Variants in EXT1 observed in about 807,000 individuals in gnomAD.
EXT1 encodes the protein exostosin glycosyltransferase 1, also known as exostosin-1.
A neutral mutation model predicts 82.5 loss-of-function variants in EXT1; 20 were observed. The observed-to-expected ratio is 0.24, with a 90% CI of 0.17 to 0.35. EXT1 has a LOEUF of 0.35. Among genes scored for constraint, EXT1 ranks in the 10% least tolerant of loss-of-function variants. The probability of loss-of-function intolerance (pLI) is 1.00; values close to 1 mark genes in which losing one functional copy is unlikely to be tolerated. For synonymous variants in EXT1, 348 were observed against 350.8 expected, an observed-to-expected ratio of 0.99 and a Z score of 0.09; for missense variants, 757 against 936.5, an observed-to-expected ratio of 0.81 and a Z score of 2.50.
intron 1 of EXT1, among the ~76,000 whole-genome samples, chr8:118,105,358 C>G (rs1002742121): frequency 1.3e-5 from 2 of 152,202 alleles, no homozygotes; most frequent in Non-Finnish European, 2.9e-5. Context: ...CTGCCCAAAC[C>G]TTAGTAACAA....
chr8:117,890,637 A>G (rs1586266927), intron 1 of EXT1, among the ~76,000 whole-genome samples: 1 of 152,204 alleles, frequency 6.6e-6, no homozygotes, highest in South Asian at 2.1e-4. Flanking sequence ...TTAGCTTCTT[A>G]GCATAGGGAA....
chr8:118,045,376 T>C (rs1816605835), intron 1 of EXT1, among the ~76,000 whole-genome samples: 1 of 152,088 alleles, frequency 6.6e-6, no homozygotes, highest in African/African-American at 2.4e-5. Flanking sequence ...AAAGCACAAG[T>C]TCAACATAAA....
chr8:118,074,577 A>G (rs963100570), intron 1 of EXT1, among the ~76,000 whole-genome samples: 2 of 151,522 alleles, frequency 1.3e-5, no homozygotes, highest in African/African-American at 2.4e-5. Flanking sequence ...GAAGAGAGAA[A>G]AAAAAAAAAA....
Position 117,857,152 on chromosome 8 carries a change from G to A in EXT1, c.963-19951C>T, listed in dbSNP as rs537873573. ...AGAAAAATTTCTTTTAAAATATTGCGTTCGTTGGCAAGTCACCTAGTTACC... is the reference window on the plus strand; with the variant it reads ...AGAAAAATTTCTTTTAAAATATTGCATTCGTTGGCAAGTCACCTAGTTACC... On this transcript the variant is annotated intron_variant, in intron 1 of 10. Transcript: ENST00000378204. Among the ~76,000 whole-genome samples the A allele has an allele frequency of 7.0e-4, 107 of 152,278 alleles. 1 individual carries two copies. Among genetic ancestry groups the A allele is most frequent in the African/African-American group, 2.4e-3 (100 of 41,548 alleles).
intron 1 of EXT1, among the ~76,000 whole-genome samples, chr8:117,973,423 C>T (rs762536790): frequency 6.6e-6 from 1 of 152,178 alleles, no homozygotes; most frequent in East Asian, 1.9e-4. Context: ...TCTCCATCCC[C>T]AAAGGTATTG....
intron 1 of EXT1, among the ~76,000 whole-genome samples, chr8:118,060,383 T>C (rs1268926720): frequency 6.6e-6 from 1 of 152,176 alleles, no homozygotes; most frequent in Non-Finnish European, 1.5e-5. Flanking sequence ...TTCCCTAAAA[T>C]TCCACATTTC....
intron 8 of EXT1, among the ~76,000 whole-genome samples, chr8:117,808,596 CA>C (rs1403022661): frequency 6.6e-6 from 1 of 152,158 alleles, no homozygotes; most frequent in East Asian, 1.9e-4. Flanking sequence ...ATAAGCAATA[CA>C]AATGGAAATT....
At chr8:117,909,584 G>A (rs1007003128) in intron 1 of EXT1, among the ~76,000 whole-genome samples, 2 of 152,138 alleles carry the variant, frequency 1.3e-5, no homozygotes, top group African/African-American at 4.8e-5. Context: ...AGCTGAGCAA[G>A]GGTTCCTTGA....
intron 1 of EXT1, among the ~76,000 whole-genome samples, chr8:117,849,037 T>C (rs1236932487): frequency 6.6e-6 from 1 of 152,174 alleles, no homozygotes; most frequent in Non-Finnish European, 1.5e-5. Context: ...AGCTACAAAG[T>C]CCGGCTCTCA....
intron 1 of EXT1, among the ~76,000 whole-genome samples, chr8:118,010,595 G>C (rs1319193356): frequency 6.6e-6 from 1 of 152,136 alleles, no homozygotes; most frequent in Non-Finnish European, 1.5e-5. Context: ...CTAATTAAAA[G>C]AAGCTGCAGA....
At chr8:118,007,689 T>C (rs1310924144) in intron 1 of EXT1, among the ~76,000 whole-genome samples, 2 of 152,224 alleles carry the variant, frequency 1.3e-5, no homozygotes, top group Admixed American at 6.5e-5. Context: ...CCCAGGTAAC[T>C]ACAAGACTGT....
intron 1 of EXT1, among the ~76,000 whole-genome samples, chr8:118,006,393 G>C (rs755008463): frequency 1.3e-5 from 2 of 152,178 alleles, no homozygotes; most frequent in Non-Finnish European, 2.9e-5. Context: ...AAGGAGTATA[G>C]TGTTTGAGTC....
chr8:117,852,770 C>T (rs369423930), intron 1 of EXT1, among the ~76,000 whole-genome samples: 14 of 152,316 alleles, frequency 9.2e-5, no homozygotes, highest in African/African-American at 2.9e-4. Context: ...GCACTTATTA[C>T]GTACCCACTA....
In EXT1 at chr8:117,799,629, T is replaced by TG; in HGVS notation, c.*82dup. ...GATAGTTGGCACAATCTGGCTCTGCTGATGAGTGGATCTGCACTGGGAAGA... is the reference window on the plus strand; with the variant it reads ...GATAGTTGGCACAATCTGGCTCTGCTGGATGAGTGGATCTGCACTGGGAAGA... On this transcript the variant is annotated 3_prime_UTR_variant, in exon 11 of 11. Transcript: ENST00000378204. 1 of 1,507,228 alleles carries TG rather than the reference T, an allele frequency of 6.6e-7. No homozygotes were observed. Among genetic ancestry groups the TG allele is most frequent in the East Asian group, 2.3e-5 (1 of 44,322 alleles). 93.4% of individuals were successfully genotyped at this position (1,507,228 alleles called of 1,614,324 possible). A position where few individuals can be genotyped will look rare whatever the true frequency, so the allele number is the denominator to read the frequency against.
At chr8:117,922,754 AG>A (rs1311907785) in intron 1 of EXT1, among the ~76,000 whole-genome samples, 1 of 152,184 alleles carries the variant, frequency 6.6e-6, no homozygotes, top group African/African-American at 2.4e-5. Context: ...CTGTCTGGAC[AG>A]GGCTCAGGCA....
At chr8:117,898,823 GA>G (rs60372493) in intron 1 of EXT1, among the ~76,000 whole-genome samples, 8,391 of 141,172 alleles carry the variant, frequency 0.059, 697 homozygotes, top group African/African-American at 0.19. Context: ...CAGACGGCAG[GA>G]AAAAAAAAAA....
At chr8:117,959,231 A>G (rs1814648487) in intron 1 of EXT1, among the ~76,000 whole-genome samples, 1 of 152,184 alleles carries the variant, frequency 6.6e-6, no homozygotes, top group Non-Finnish European at 1.5e-5. Flanking sequence ...CTTTTCCCGC[A>G]GGAGACAGAA....
intron 1 of EXT1, among the ~76,000 whole-genome samples, chr8:118,044,617 G>C (rs1272666083): frequency 2.6e-5 from 4 of 152,098 alleles, no homozygotes; most frequent in African/African-American, 9.7e-5. Context: ...ATGTTGGCCA[G>C]GCTGGTCTCG....
intron 1 of EXT1, among the ~76,000 whole-genome samples, chr8:118,039,474 C>T (rs1816486691): frequency 6.8e-6 from 1 of 146,194 alleles, no homozygotes; most frequent in African/African-American, 2.5e-5. Flanking sequence ...TCGGAAGAAT[C>T]GCTTGAACCC....
Sources: gnomAD v4.1 joint callset for allele counts (sites outside exome capture counted in the v4.1 genomes callset) on GRCh38, gnomAD v4.1.1 for gene constraint, MANE v1.5 for transcripts, NCBI Gene and HGNC (gene_info 2026-07-23, HGNC 2026-07-21) for gene names.